MICAL2: variants seen among roughly 807,000 people sequenced by gnomAD.
The protein encoded by MICAL2 is microtubule associated monooxygenase, calponin and LIM domain containing 2.
A neutral mutation model predicts 127.3 loss-of-function variants in MICAL2; 77 were observed. The ratio of observed to expected loss-of-function variants is 0.60; its 90% CI spans 0.50 to 0.73. MICAL2 has a LOEUF of 0.73. MICAL2 is among the 30% of genes least tolerant of loss of function. MICAL2 has a pLI of 0.00. For missense variants in MICAL2, 1,351 were observed against 1,434.4 expected, an observed-to-expected ratio of 0.94 and a Z score of 0.94; for synonymous variants, 570 against 551.1, an observed-to-expected ratio of 1.03 and a Z score of -0.48.
chr11:12,327,510 G>A (rs530490145), intron 32 of MICAL2, among the ~76,000 whole-genome samples: 1 of 152,320 alleles, frequency 6.6e-6, no homozygotes, highest in East Asian at 1.9e-4. Context: ...TGGTCAGCCC[G>A]CGGGCCTTGT....
rs78139104 is a variant in MICAL2, at chr11:12,197,055, C to T, written c.265-7195C>T. Among the ~76,000 whole-genome samples, 521 of 152,342 alleles carry T rather than the reference C, an allele frequency of 3.4e-3. 6 individuals are homozygous for T. Among genetic ancestry groups the T allele is most frequent in the African/African-American group, 0.012 (504 of 41,568 alleles). ...TCAGAGGTAATACCAAACAATCCAG[C>T]ATTCATTGTATCTGTTTTTCTTCTT... On this transcript the variant is annotated intron_variant, in intron 3 of 27. Transcript: ENST00000683283.
At chr11:12,209,077 A>C (rs1344881431) in intron 5 of MICAL2, among the ~76,000 whole-genome samples, 1 of 152,226 alleles carries the variant, frequency 6.6e-6, no homozygotes. Context: ...TGAGCATACA[A>C]TAGAAATTAA....
intron 10 of MICAL2, 127 bp from the exon 11 acceptor site, chr11:12,222,490 A>T: frequency 7.9e-7 from 1 of 1,270,354 alleles, no homozygotes; most frequent in Non-Finnish European, 1.1e-6. Context: ...CAGGTATTTC[A>T]GGGAAGGGTT....
intron 32 of MICAL2, among the ~76,000 whole-genome samples, chr11:12,345,112 A>G (rs1938933363): frequency 6.7e-6 from 1 of 149,962 alleles, no homozygotes; most frequent in Non-Finnish European, 1.5e-5. Context: ...ACGAGAATCC[A>G]TCTCAAAAAA....
In MICAL2 at chr11:12,345,116, C is replaced by CAAAAAAAAA. The variant is rs796748173; in HGVS notation, c.5516-4719_5516-4711dup. ...GACAGAGCGAGACGAGAATCCATCT[C>CAAAAAAAAA]AAAAAAAAAAAGAAAAAAGAAAGAA... On this transcript the variant is annotated intron_variant, in intron 32 of 34. Coordinates refer to the MICAL2 transcript ENST00000646065. Among the ~76,000 whole-genome samples, 113 of 110,526 alleles carry CAAAAAAAAA rather than the reference C, an allele frequency of 1.0e-3. 1 individual carries two copies. The highest frequency in any genetic ancestry group is 3.7e-3 in the African/African-American group (107 of 28,928). 72.5% of individuals were successfully genotyped at this position (110,526 alleles called of 152,430 possible). A position where few individuals can be genotyped will look rare whatever the true frequency, so the allele number is the denominator to read the frequency against.
intron 32 of MICAL2, among the ~76,000 whole-genome samples, chr11:12,339,814 C>G (rs932859159): frequency 6.6e-6 from 1 of 152,192 alleles, no homozygotes; most frequent in Non-Finnish European, 1.5e-5. Flanking sequence ...GAAGTTTTGT[C>G]TCAGAGGAGT....
chr11:12,178,823 G>A (rs1480998328), intron 3 of MICAL2, among the ~76,000 whole-genome samples: 1 of 151,852 alleles, frequency 6.6e-6, no homozygotes, highest in East Asian at 1.9e-4. Context: ...CAGGGCTCAA[G>A]CAGTTCTACT....
chr11:12,131,950 T>C (rs1210179667), intron 1 of MICAL2, among the ~76,000 whole-genome samples: 1 of 152,206 alleles, frequency 6.6e-6, no homozygotes, highest in Non-Finnish European at 1.5e-5. Flanking sequence ...TGTTATTCTT[T>C]GATAGGTATT....
chr11:12,173,819 C>T (rs1856546283), intron 3 of MICAL2, among the ~76,000 whole-genome samples: 1 of 152,126 alleles, frequency 6.6e-6, no homozygotes, highest in African/African-American at 2.4e-5. Context: ...GTTTATTTCA[C>T]TTAGCATAAT....
At chr11:12,279,376 C>T (rs867430864) in intron 1 of MICAL2, among the ~76,000 whole-genome samples, 5 of 152,020 alleles carry the variant, frequency 3.3e-5, no homozygotes, top group African/African-American at 9.7e-5. Context: ...ACAACTGGCT[C>T]GTCAAGTCTT....
chr11:12,240,876 C>T (rs1859822633), intron 17 of MICAL2, among the ~76,000 whole-genome samples, 164 bp from the exon 18 acceptor site: 1 of 152,250 alleles, frequency 6.6e-6, no homozygotes, highest in South Asian at 2.1e-4. Flanking sequence ...TCAAGTTTCC[C>T]AGCTGGGCCC....
chr11:12,218,843 G>GT (rs1322300434), intron 8 of MICAL2, among the ~76,000 whole-genome samples: 1 of 152,196 alleles, frequency 6.6e-6, no homozygotes, highest in Non-Finnish European at 1.5e-5. Flanking sequence ...CTCTGTGATT[G>GT]TCAAGACCTT....
intron 7 of MICAL2, among the ~76,000 whole-genome samples, chr11:12,215,107 TC>T (rs1855975274): frequency 6.6e-6 from 1 of 152,118 alleles, no homozygotes; most frequent in South Asian, 2.1e-4. Flanking sequence ...CCTCCAACCC[TC>T]CCTTCCTCTA....
intron 32 of MICAL2, among the ~76,000 whole-genome samples, chr11:12,330,933 C>CTGTA (rs1864420251): frequency 1.1e-5 from 1 of 91,992 alleles, no homozygotes; most frequent in Non-Finnish European, 2.4e-5. Context: ...GTGTGTGTGT[C>CTGTA]TGTATGTGTG....
Position 12,260,233 on chromosome 11 carries a change from T to C in MICAL2, c.3334+336T>C, listed in dbSNP as rs1214511483. ...AGGGAGGCTTCAGATGGCAGTGCGT[T>C]TGCAGTTTGCTCAGGCTCTGGCCAG... On this transcript the variant is annotated intron_variant, in intron 26 of 27. Transcript: ENST00000683283. 6 of 1,446,172 alleles carry C rather than the reference T, an allele frequency of 4.1e-6. No individual in the cohort carries two copies. In the African/African-American group the frequency reaches 8.6e-5, roughly 21 times the overall value. 89.6% of individuals were successfully genotyped at this position (1,446,172 alleles called of 1,614,324 possible). A position where few individuals can be genotyped will look rare whatever the true frequency, so the allele number is the denominator to read the frequency against.
intron 2 of MICAL2, among the ~76,000 whole-genome samples, chr11:12,153,549 T>C (rs1269995573): frequency 6.6e-6 from 1 of 152,126 alleles, no homozygotes; most frequent in East Asian, 1.9e-4. Flanking sequence ...GCGATTCTCT[T>C]GCCTCAGCCT....
downstream of MICAL2, among the ~76,000 whole-genome samples, chr11:12,290,261 C>A (rs1014811229): frequency 6.6e-6 from 1 of 152,164 alleles, no homozygotes; most frequent in African/African-American, 2.4e-5. Context: ...GACCCCCTAG[C>A]AGGGGTGGGA....
chr11:12,177,228 G>A (rs1194181059), intron 3 of MICAL2, among the ~76,000 whole-genome samples: 1 of 152,050 alleles, frequency 6.6e-6, no homozygotes, highest in Admixed American at 6.5e-5. Context: ...GATTTTGATT[G>A]GGATTTCCCT....
At chr11:12,235,136 G>A (rs1011035514) in intron 15 of MICAL2, among the ~76,000 whole-genome samples, 3 of 152,104 alleles carry the variant, frequency 2.0e-5, no homozygotes, top group Non-Finnish European at 4.4e-5. Context: ...AGAAAAGGAT[G>A]GGGGAGCCTA....
Sources: allele counts gnomAD v4.1 joint callset (sites outside exome capture counted in the v4.1 genomes callset), GRCh38; gene constraint gnomAD v4.1.1; transcripts MANE v1.5; gene names NCBI Gene and HGNC (gene_info 2026-07-23, HGNC 2026-07-21).